The following ARL15 variants were observed in gnomAD, a reference collection of about 807,000 sequenced individuals.
ARL15 encodes ARF like GTPase 15, also known as ADP-ribosylation factor-like protein 15.
In ARL15, 19 loss-of-function variants were observed where a neutral mutation model predicts 25.2. The observed-to-expected ratio is 0.75, with a 90% CI of 0.53 to 1.10. ARL15 has a LOEUF of 1.10. ARL15 is among the 50% of genes least tolerant of loss of function. ARL15 has a pLI of 0.00. For synonymous variants in ARL15, 94 were observed against 86.8 expected (o/e 1.08, Z -0.46); for missense variants, 220 against 246.0 (o/e 0.89, Z 0.71).
intron 2 of ARL15, among the ~76,000 whole-genome samples, chr5:54,157,496 C>G (rs973040908): frequency 1.8e-4 from 28 of 152,274 alleles, no homozygotes; most frequent in African/African-American, 6.5e-4. Flanking sequence ...ACTGCAACCT[C>G]CATCTCCCGG....
At chr5:54,012,315 G>A (rs980359784) in intron 4 of ARL15, among the ~76,000 whole-genome samples, 1 of 152,044 alleles carries the variant, frequency 6.6e-6, no homozygotes, top group East Asian at 1.9e-4. Flanking sequence ...CCTCTTCATG[G>A]TTTTGATTGT....
chr5:54,252,463 C>G (rs1757256633), intron 1 of ARL15, among the ~76,000 whole-genome samples: 1 of 152,122 alleles, frequency 6.6e-6, no homozygotes. Context: ...CCTGGACTTT[C>G]TGAAGTTTCA....
chr5:54,194,740 C>G (rs556095309), intron 1 of ARL15, among the ~76,000 whole-genome samples: 1 of 152,250 alleles, frequency 6.6e-6, no homozygotes, highest in South Asian at 2.1e-4. Context: ...GACTTTTAAA[C>G]ACTAATATTT....
chr5:53,903,376 T>A (rs1008975361), intron 4 of ARL15, among the ~76,000 whole-genome samples: 12 of 152,222 alleles, frequency 7.9e-5, no homozygotes, highest in Middle Eastern at 6.8e-3. Context: ...GGGATTGTTT[T>A]GGTTGTCATA....
At chr5:54,049,713 A>T (rs779777634) in intron 4 of ARL15, among the ~76,000 whole-genome samples, 3 of 150,986 alleles carry the variant, frequency 2.0e-5, no homozygotes, top group Non-Finnish European at 4.4e-5. Context: ...CAATCCTCCT[A>T]CCACCACCAC....
At chr5:54,004,446 T>C (rs1366254340) in intron 4 of ARL15, among the ~76,000 whole-genome samples, 2 of 147,444 alleles carry the variant, frequency 1.4e-5, no homozygotes, top group East Asian at 4.0e-4. Context: ...TGAGCTGAGA[T>C]CACCGTACCA....
intron 4 of ARL15, among the ~76,000 whole-genome samples, chr5:54,002,361 G>A (rs1241980712): frequency 6.6e-6 from 1 of 152,210 alleles, no homozygotes. Flanking sequence ...AGGGTATTGA[G>A]TAGTCAAAAT....
intron 4 of ARL15, among the ~76,000 whole-genome samples, chr5:54,033,408 G>A (rs1241955285): frequency 6.6e-6 from 1 of 152,018 alleles, no homozygotes; most frequent in Non-Finnish European, 1.5e-5. Context: ...AGTGGCCCAC[G>A]CCTGTGATCC....
intron 1 of ARL15, among the ~76,000 whole-genome samples, chr5:54,189,052 A>G (rs1579891310): frequency 6.6e-6 from 1 of 152,338 alleles, no homozygotes; most frequent in Non-Finnish European, 1.5e-5. Flanking sequence ...GGAAATTATG[A>G]AAATAATTCC....
intron 1 of ARL15, among the ~76,000 whole-genome samples, chr5:54,283,452 A>G (rs1401219156): frequency 2.2e-5 from 3 of 135,944 alleles, no homozygotes; most frequent in African/African-American, 6.0e-5. Flanking sequence ...CAACGGTGCT[A>G]TTGTTCAAAA....
intron 4 of ARL15, among the ~76,000 whole-genome samples, chr5:54,017,700 C>T (rs910822090): frequency 6.6e-6 from 1 of 152,002 alleles, no homozygotes; most frequent in Non-Finnish European, 1.5e-5. Flanking sequence ...GAGGCAGTAA[C>T]CAGGGTCTTT....
At chr5:54,040,310 C>G (rs1750298707) in intron 4 of ARL15, among the ~76,000 whole-genome samples, 1 of 152,130 alleles carries the variant, frequency 6.6e-6, no homozygotes, top group African/African-American at 2.4e-5. Flanking sequence ...CATACTTAAA[C>G]AGGTGAACTA....
At chr5:54,079,920 A>G (rs1441862277) in intron 4 of ARL15, among the ~76,000 whole-genome samples, 1 of 151,510 alleles carries the variant, frequency 6.6e-6, no homozygotes, top group African/African-American at 2.4e-5. Flanking sequence ...CAGTGAGCTG[A>G]GATCATGCCA....
At chr5:53,923,167 G>C (rs1278715011) in intron 4 of ARL15, among the ~76,000 whole-genome samples, 1 of 152,130 alleles carries the variant, frequency 6.6e-6, no homozygotes, top group Non-Finnish European at 1.5e-5. Context: ...TTCGGGCTCT[G>C]GTCTTCAATG....
intron 3 of ARL15, among the ~76,000 whole-genome samples, chr5:54,132,639 TA>T (rs1561236591): frequency 6.6e-6 from 1 of 152,230 alleles, no homozygotes; most frequent in African/African-American, 2.4e-5. Flanking sequence ...ACTCCATAGA[TA>T]GGGGCTGCTG....
rs944546865 is a variant in ARL15 at position 54,107,701 on chromosome 5, T to C, written c.462+5501A>G. On this transcript the variant is annotated intron_variant, in intron 4 of 4. Transcript: ENST00000504924. The stretch of plus-strand genomic sequence containing the variant: ...TCACTTTACATAAAATGAAGATATG[T>C]ATGTGACTGAAGGAAGATAGTGGAA... Among the ~76,000 whole-genome samples the C allele has an allele frequency of 2.0e-5, 3 of 152,164 alleles. No homozygotes were observed. In the East Asian group the frequency reaches 5.8e-4, roughly 29 times the overall value.
rs758750125 is a variant in ARL15, at chr5:54,171,774, C to T, written c.193+10G>A. 17 of 1,609,044 alleles carry T rather than the reference C, an allele frequency of 1.1e-5. No individual in the cohort carries two copies. The highest frequency in any genetic ancestry group is 2.2e-5 in the South Asian group (2 of 90,204). ...AAGAAGAAGGGACAGAACCCCAGCACAGTACCCACCTGTGGTCGACACGAC... is the reference window on the plus strand; with the variant it reads ...AAGAAGAAGGGACAGAACCCCAGCATAGTACCCACCTGTGGTCGACACGAC... On this transcript the variant is annotated intron_variant, in intron 2 of 4. Transcript: ENST00000504924.
chr5:54,214,131 G>C (rs1012354674), intron 1 of ARL15, among the ~76,000 whole-genome samples: 3 of 151,514 alleles, frequency 2.0e-5, no homozygotes, highest in African/African-American at 7.3e-5. Context: ...GAAGGAAGGG[G>C]GCTTGATAGA....
At position 53,963,682 on chromosome 5, in the gene ARL15, C is replaced by T. The variant is rs1214565597; in HGVS notation, c.463-76969G>A. On this transcript the variant is annotated intron_variant, in intron 4 of 4. Transcript: ENST00000504924. ...AATTAGCTGGGCATGGTGGTGGACA[C>T]CTGTAATCCCAGCTTCTCGGGAGGC... 1.3e-5 allele frequency among the ~76,000 whole-genome samples: 2 copies of T among 151,926 alleles called. 1 individual carries two copies. Among genetic ancestry groups the T allele is most frequent in the East Asian group, 3.9e-4 (2 of 5,172 alleles).
Sources: allele counts gnomAD v4.1 joint callset (sites outside exome capture counted in the v4.1 genomes callset), GRCh38; gene constraint gnomAD v4.1.1; transcripts MANE v1.5; gene names NCBI Gene and HGNC (gene_info 2026-07-23, HGNC 2026-07-21).